AGBL1: variants seen among roughly 807,000 people sequenced by gnomAD.
AGBL1 encodes the protein AGBL carboxypeptidase 1.
In AGBL1, 130 loss-of-function variants were observed where a neutral mutation model predicts 118.9. The ratio of observed to expected loss-of-function variants is 1.09; its 90% confidence interval spans 0.95 to 1.26. The LOEUF is 1.26. AGBL1 is among the 50% of genes most tolerant of loss of function. AGBL1 has a pLI of 0.00. For synonymous variants in AGBL1, 555 were observed against 478.9 expected (o/e 1.16, Z -2.08); for missense variants, 1,584 against 1,298.1 (o/e 1.22, Z -3.38).
At chr15:86,997,890 GACAC>G (rs3030280) in intron 24 of AGBL1, among the ~76,000 whole-genome samples, 16,696 of 145,634 alleles carry the variant, frequency 0.11, 1,023 homozygotes, top group East Asian at 0.22. Flanking sequence ...ACATGTGGAA[GACAC>G]ACACACACAC....
intron 20 of AGBL1, among the ~76,000 whole-genome samples, chr15:86,546,407 G>T (rs1425331299): frequency 6.6e-6 from 1 of 152,078 alleles, no homozygotes; most frequent in Non-Finnish European, 1.5e-5. Context: ...AGAGACAGAA[G>T]ACCTCATCTT....
rs1567194577 is a variant in AGBL1, at chr15:86,827,385, ACATATATATATACATATATATATGTG to A, written c.3159-79701_3159-79676del. Among the ~76,000 whole-genome samples, 97 of 9,002 alleles carry A rather than the reference ACATATATATATACATATATATATGTG, an allele frequency of 0.011. 5 individuals are homozygous for A. The East Asian group carries it at 0.33, about 31-fold the overall frequency. The allele number at this position is 9,002 out of a possible 152,430, so 5.9% of individuals were successfully genotyped here. A position where few individuals can be genotyped will look rare whatever the true frequency, so the allele number is the denominator to read the frequency against. On this transcript the variant is annotated intron_variant, in intron 22 of 22. Coordinates refer to ENST00000614907, the MANE Select transcript of AGBL1 (RefSeq NM_001386094.1). ...TATGTGTGTGTATATATATATATAC[ACATATATATATACATATATATATGTG>A]TATATATATATATATATACACATAT...
intron 17 of AGBL1, among the ~76,000 whole-genome samples, chr15:86,358,491 G>A (rs1272475327): frequency 6.6e-6 from 1 of 151,940 alleles, no homozygotes; most frequent in African/African-American, 2.4e-5. Context: ...AATAAACATG[G>A]GGGTGCAGAT....
chr15:86,982,755 A>C (rs1346013118), intron 23 of AGBL1, among the ~76,000 whole-genome samples: 5 of 152,220 alleles, frequency 3.3e-5, no homozygotes, highest in Non-Finnish European at 4.4e-5. Flanking sequence ...TATTGTAAGA[A>C]TACAGTATAT....
chr15:86,919,123 T>C (rs1596634437), downstream of AGBL1, among the ~76,000 whole-genome samples: 1 of 152,344 alleles, frequency 6.6e-6, no homozygotes, highest in South Asian at 2.1e-4. Context: ...ATACTCAGTT[T>C]ACTTTATTAG....
chr15:86,832,162 C>T (rs778130916), intron 22 of AGBL1, among the ~76,000 whole-genome samples: 67 of 152,216 alleles, frequency 4.4e-4, no homozygotes, highest in Non-Finnish European at 4.4e-4. Flanking sequence ...CCATATTTTC[C>T]TCCTAGGCCC....
chr15:86,414,558 C>T (rs949852053), intron 18 of AGBL1, among the ~76,000 whole-genome samples: 4 of 152,158 alleles, frequency 2.6e-5, no homozygotes, highest in African/African-American at 7.2e-5. Flanking sequence ...CAAGAGGGTG[C>T]TATGGCTTGA....
intron 22 of AGBL1, among the ~76,000 whole-genome samples, chr15:86,770,171 G>C (rs987719804): frequency 1.3e-5 from 2 of 151,800 alleles, no homozygotes; most frequent in African/African-American, 2.4e-5. Context: ...CAAAAGCATA[G>C]ACAGATAATC....
intron 21 of AGBL1, among the ~76,000 whole-genome samples, chr15:86,637,813 G>A (rs888498766): frequency 6.6e-6 from 1 of 152,192 alleles, no homozygotes; most frequent in Non-Finnish European, 1.5e-5. Context: ...ATTGTCATCT[G>A]AACTTTGTCA....
chr15:86,821,095 C>T (rs1157459390), intron 22 of AGBL1, among the ~76,000 whole-genome samples: 5 of 151,984 alleles, frequency 3.3e-5, no homozygotes, highest in Non-Finnish European at 7.4e-5. Context: ...CTAAACACCA[C>T]GTTTTCTCAC....
intron 17 of AGBL1, among the ~76,000 whole-genome samples, chr15:86,369,766 G>C (rs995289941): frequency 3.9e-5 from 6 of 151,938 alleles, no homozygotes; most frequent in Non-Finnish European, 7.4e-5. Flanking sequence ...AAAAATTATG[G>C]AAAATCTAAT....
chr15:86,318,798 C>T (rs762575603), intron 17 of AGBL1, among the ~76,000 whole-genome samples: 1 of 136,690 alleles, frequency 7.3e-6, no homozygotes, highest in Admixed American at 8.6e-5. Context: ...ATGCATGAAT[C>T]CATGTAAAGG....
At chr15:86,399,209 C>G (rs1286763786) in intron 18 of AGBL1, among the ~76,000 whole-genome samples, 1 of 152,154 alleles carries the variant, frequency 6.6e-6, no homozygotes, top group African/African-American at 2.4e-5. Context: ...CGCTCCTGGT[C>G]AAACAGAACT....
chr15:86,397,147 G>A (rs1392900169), intron 17 of AGBL1, among the ~76,000 whole-genome samples: 3 of 151,976 alleles, frequency 2.0e-5, no homozygotes, highest in Non-Finnish European at 4.4e-5. Context: ...AAAAGGCTAC[G>A]GTTTTTTAGA....
intron 22 of AGBL1, among the ~76,000 whole-genome samples, chr15:86,773,323 G>A (rs1366215944): frequency 6.6e-6 from 1 of 151,994 alleles, no homozygotes; most frequent in Non-Finnish European, 1.5e-5. Flanking sequence ...GCTGAACCAA[G>A]CCTCGAAGGA....
chr15:86,708,809 T>C (rs1357360268), intron 22 of AGBL1, among the ~76,000 whole-genome samples: 1 of 152,118 alleles, frequency 6.6e-6, no homozygotes, highest in African/African-American at 2.4e-5. Context: ...CCCTCCTTGT[T>C]CAGTGACTTA....
intron 21 of AGBL1, among the ~76,000 whole-genome samples, chr15:86,636,058 A>G (rs1210797015): frequency 1.3e-5 from 2 of 152,178 alleles, no homozygotes; most frequent in African/African-American, 4.8e-5. Context: ...TCCCTAAATC[A>G]TCTCCTCCTC....
At chr15:86,925,974 C>T (rs1183384607) in intron 23 of AGBL1, among the ~76,000 whole-genome samples, 3 of 152,090 alleles carry the variant, frequency 2.0e-5, no homozygotes, top group African/African-American at 7.2e-5. Context: ...TTGTGATTCA[C>T]CCGCCTCAGC....
chr15:86,430,419 C>T (rs2081921160), intron 18 of AGBL1, among the ~76,000 whole-genome samples: 1 of 150,394 alleles, frequency 6.6e-6, no homozygotes, highest in South Asian at 2.1e-4. Flanking sequence ...GGCGTGAACC[C>T]AGGAGGTGGA....
Sources: allele counts gnomAD v4.1 joint callset (sites outside exome capture counted in the v4.1 genomes callset), GRCh38; gene constraint gnomAD v4.1.1; transcripts MANE v1.5; gene names NCBI Gene and HGNC (gene_info 2026-07-23, HGNC 2026-07-21).